Variants in HDAC9 observed in about 807,000 individuals in gnomAD.
The protein encoded by HDAC9 is histone deacetylase 9, also known as MEF-2 interacting transcription repressor (MITR) protein.
HDAC9 carries 41 observed loss-of-function variants against 139.4 expected under a neutral mutation model. The observed-to-expected ratio is 0.29, with a 90% CI of 0.23 to 0.38. HDAC9 has a LOEUF of 0.38. HDAC9 is among the 10% of genes least tolerant of loss of function. The pLI is 1.00. For missense variants in HDAC9, 1,147 were observed against 1,297.0 expected, an observed-to-expected ratio of 0.88 and a Z score of 1.78; for synonymous variants, 517 against 476.2, an observed-to-expected ratio of 1.09 and a Z score of -1.12.
intron 21 of HDAC9, among the ~76,000 whole-genome samples, chr7:18,848,849 C>T (rs1025543680): frequency 6.6e-6 from 1 of 152,000 alleles, no homozygotes; most frequent in Admixed American, 6.6e-5. Context: ...AAAGAATATC[C>T]TATAGGGAAA....
intron 2 of HDAC9, among the ~76,000 whole-genome samples, chr7:18,201,089 A>AGTGCTTTT (rs1791084113): frequency 6.6e-6 from 1 of 152,160 alleles, no homozygotes; most frequent in Non-Finnish European, 1.5e-5. Context: ...AAGCTACGGC[A>AGTGCTTTT]CTGTTAGGAT....
At position 18,824,093 on chromosome 7, in the gene HDAC9, G is replaced by GAAGAAGAAGAAGAAC. The variant is rs869114650; in HGVS notation, c.2323-5066_2323-5065insGAAGAAGAAGAACAA. ...AGAAGAAGAAGAAGAAGAAGAACAAGAACAAGAAGGAGAAGAAGAAGAGGT... is the reference window on the plus strand; with the variant it reads ...AGAAGAAGAAGAAGAAGAAGAACAAGAAGAAGAAGAAGAACAACAAGAAGGAGAAGAAGAAGAGGT... On this transcript the variant is annotated intron_variant, in intron 17 of 25. Transcript: ENST00000686413. Among the ~76,000 whole-genome samples the GAAGAAGAAGAAGAAC allele has an allele frequency of 5.1e-4, 77 of 150,702 alleles. 1 individual carries two copies. The highest frequency in any genetic ancestry group is 3.0e-3 in the South Asian group (14 of 4,630).
chr7:18,364,691 G>A (rs1161728557), intron 1 of HDAC9, among the ~76,000 whole-genome samples: 4 of 152,024 alleles, frequency 2.6e-5, no homozygotes, highest in Non-Finnish European at 5.9e-5. Context: ...AGCTTGAGAA[G>A]GCCTGGTCTA....
rs3138825 is a variant in HDAC9 at position 18,349,307 on chromosome 7, T to TACACACACACACAC, written c.-42+58834_-42+58847dup. Among the ~76,000 whole-genome samples, 164 of 125,818 alleles carry TACACACACACACAC rather than the reference T, an allele frequency of 1.3e-3. 1 individual carries two copies. The highest frequency in any genetic ancestry group is 2.5e-3 in the African/African-American group (80 of 31,656). The allele number at this position is 125,818 out of a possible 152,430, so 82.5% of individuals were successfully genotyped here. A position where few individuals can be genotyped will look rare whatever the true frequency, so the allele number is the denominator to read the frequency against. Reference sequence around the variant, plus strand: ...ATGACCTCCCATACTTGAGAACATCTACACACACACACACACACACACACA... The same window carrying TACACACACACACAC: ...ATGACCTCCCATACTTGAGAACATCTACACACACACACACACACACACACACACACACACACACA... On this transcript the variant is annotated intron_variant, in intron 1 of 3. Transcript: ENST00000413509.
chr7:18,730,014 G>C (rs960461754), intron 13 of HDAC9, among the ~76,000 whole-genome samples: 2 of 152,208 alleles, frequency 1.3e-5, no homozygotes, highest in Non-Finnish European at 1.5e-5. Context: ...CAATAACTAA[G>C]AGGAATATTT....
intron 2 of HDAC9, chr7:18,517,993 C>G (rs921532662): frequency 2.0e-5 from 3 of 149,926 alleles, no homozygotes; most frequent in African/African-American, 2.4e-5. Flanking sequence ...CTCACACTTA[C>G]AGTTATACAG....
chr7:18,984,733 A>G (rs1389453651), intron 25 of HDAC9, among the ~76,000 whole-genome samples: 2 of 152,330 alleles, frequency 1.3e-5, no homozygotes, highest in East Asian at 3.9e-4. Flanking sequence ...TGAGAGAGAA[A>G]AAAGGAAGAC....
chr7:18,145,617 T>G (rs751852122), intron 1 of HDAC9, among the ~76,000 whole-genome samples: 2 of 152,142 alleles, frequency 1.3e-5, no homozygotes, highest in Non-Finnish European at 2.9e-5. Context: ...AACAAAGAGA[T>G]TCTGGAACAC....
rs531813756 is a variant in HDAC9 at position 18,990,432 on chromosome 7, G to C, written c.3171-5591G>C. On this transcript the variant is annotated intron_variant, in intron 25 of 25. Transcript: ENST00000686413. The stretch of plus-strand genomic sequence containing the variant: ...TCAGATCTCCAGCTGCGTGCTGGGA[G>C]AGCCACTGCTCTCTTCAATGCTGTC... Among the ~76,000 whole-genome samples the C allele has an allele frequency of 2.6e-5, 4 of 152,376 alleles. 1 individual carries two copies. In the South Asian group the frequency reaches 8.3e-4, roughly 32 times the overall value.
At chr7:18,137,731 A>C (rs1785537938) in intron 1 of HDAC9, among the ~76,000 whole-genome samples, 1 of 152,060 alleles carries the variant, frequency 6.6e-6, no homozygotes, top group Non-Finnish European at 1.5e-5. Context: ...GAATTTTTGC[A>C]TCAATGTTCA....
chr7:18,461,507 A>T (rs1386899797), intron 1 of HDAC9, among the ~76,000 whole-genome samples: 1 of 152,180 alleles, frequency 6.6e-6, no homozygotes, highest in Non-Finnish European at 1.5e-5. Context: ...TGGTAGTGTG[A>T]CATTTGCCCC....
At chr7:18,259,258 A>G (rs1194001870) in intron 2 of HDAC9, among the ~76,000 whole-genome samples, 1 of 152,004 alleles carries the variant, frequency 6.6e-6, no homozygotes, top group East Asian at 1.9e-4. Context: ...TGTGAGTCAC[A>G]GTGCCCAGCC....
At chr7:18,716,154 G>A (rs1784684297) in intron 12 of HDAC9, among the ~76,000 whole-genome samples, 2 of 152,270 alleles carry the variant, frequency 1.3e-5, no homozygotes, top group South Asian at 2.1e-4. Context: ...CTCTAGACCA[G>A]AGCTCTATTG....
chr7:18,568,865 T>C (rs1017337627), intron 2 of HDAC9, among the ~76,000 whole-genome samples: 1 of 151,836 alleles, frequency 6.6e-6, no homozygotes, highest in Non-Finnish European at 1.5e-5. Flanking sequence ...CTGACCAATA[T>C]AGAGAAACCT....
At chr7:18,513,665 C>A (rs118035388) in intron 2 of HDAC9, among the ~76,000 whole-genome samples, 1 of 152,160 alleles carries the variant, frequency 6.6e-6, no homozygotes, top group Non-Finnish European at 1.5e-5. Flanking sequence ...GGAGGTTTAG[C>A]CAAATCTGCC....
chr7:18,148,313 A>G (rs1256739888), intron 1 of HDAC9, among the ~76,000 whole-genome samples: 1 of 152,160 alleles, frequency 6.6e-6, no homozygotes, highest in African/African-American at 2.4e-5. Context: ...TTTGGCTTCT[A>G]GAGAGTGCTC....
At chr7:18,856,140 C>G (rs1386980359) in intron 21 of HDAC9, among the ~76,000 whole-genome samples, 2 of 152,018 alleles carry the variant, frequency 1.3e-5, no homozygotes, top group African/African-American at 4.8e-5. Flanking sequence ...AAAGAATGCT[C>G]TTATAATATT....
rs573178334 is a variant in HDAC9, at chr7:18,552,833, A to G, written c.23-32448A>G. Among the ~76,000 whole-genome samples the G allele has an allele frequency of 4.1e-4, 63 of 152,310 alleles. No individual in the cohort carries two copies. In the South Asian group the frequency reaches 0.013, roughly 31 times the overall value. On this transcript the variant is annotated intron_variant, in intron 2 of 25. Coordinates refer to ENST00000686413, the MANE Select transcript of HDAC9 (RefSeq NM_178425.4). Reference sequence around the variant, plus strand: ...CTCTAGAGGTAAACCTGTACCCGGCATTTCAGTGTGTATGTGTGTTTGTAG... The same window carrying G: ...CTCTAGAGGTAAACCTGTACCCGGCGTTTCAGTGTGTATGTGTGTTTGTAG...
intron 25 of HDAC9, among the ~76,000 whole-genome samples, chr7:18,991,591 G>C (rs4721738): frequency 0.54 from 81,374 of 151,532 alleles, 25,332 homozygotes; most frequent in African/African-American, 0.85. Context: ...GAGCGGAGAT[G>C]GTGCCATTGC....
Sources: gnomAD v4.1 joint callset for allele counts (sites outside exome capture counted in the v4.1 genomes callset) on GRCh38, gnomAD v4.1.1 for gene constraint, MANE v1.5 for transcripts, NCBI Gene and HGNC (gene_info 2026-07-23, HGNC 2026-07-21) for gene names.